FNIP2: variants seen among roughly 807,000 people sequenced by gnomAD.
FNIP2 encodes the protein folliculin-interacting protein 2.
A neutral mutation model predicts 108.7 loss-of-function variants in FNIP2; 32 were observed. That is an observed-to-expected ratio of 0.29 (90% CI 0.22 to 0.40). FNIP2 has a LOEUF of 0.40. Ranked by LOEUF, FNIP2 falls within the 10% of genes least tolerant of loss-of-function variation. The probability of loss-of-function intolerance (pLI) is 1.00; values close to 1 mark genes in which losing one functional copy is unlikely to be tolerated. For synonymous variants in FNIP2, 480 were observed against 496.7 expected (o/e 0.97, Z 0.45); for missense variants, 1,202 against 1,381.6 (o/e 0.87, Z 2.06).
chr4:158,844,906 C>G (rs966117207), intron 7 of FNIP2, among the ~76,000 whole-genome samples: 2 of 152,196 alleles, frequency 1.3e-5, no homozygotes, highest in Non-Finnish European at 2.9e-5. Context: ...TAGATTGATT[C>G]TCTTTTCTTG....
chr4:158,792,952 TAAAGG>T (rs1259848332), intron 1 of FNIP2, among the ~76,000 whole-genome samples: 1 of 152,050 alleles, frequency 6.6e-6, no homozygotes, highest in African/African-American at 2.4e-5. Context: ...ATGGGTTTGA[TAAAGG>T]AAGTTATCAA....
chr4:158,819,826 A>G (rs2126540188), intron 1 of FNIP2, among the ~76,000 whole-genome samples: 1 of 152,266 alleles, frequency 6.6e-6, no homozygotes, highest in Non-Finnish European at 1.5e-5. Flanking sequence ...GGGTCTCCCC[A>G]CTCTTCTTGA....
intron 1 of FNIP2, among the ~76,000 whole-genome samples, chr4:158,824,491 C>T (rs1211803201): frequency 6.6e-6 from 1 of 152,148 alleles, no homozygotes; most frequent in Non-Finnish European, 1.5e-5. Flanking sequence ...GAAACCGGCT[C>T]AACTCTGTCC....
At chr4:158,773,778 T>G (rs1775772230) in intron 1 of FNIP2, among the ~76,000 whole-genome samples, 1 of 152,190 alleles carries the variant, frequency 6.6e-6, no homozygotes, top group Non-Finnish European at 1.5e-5. Flanking sequence ...CCTTAAGTTT[T>G]CAGAGGGGTC....
At chr4:158,835,374 A>G (rs1437621566) in intron 6 of FNIP2, 31 bp from the exon 7 acceptor site, 1 of 1,604,600 alleles carries the variant, frequency 6.2e-7, no homozygotes, top group African/African-American at 1.3e-5. Context: ...GAAGAGCCCA[A>G]TAACATGGTT....
chr4:158,792,955 AG>A (rs1325298115), intron 1 of FNIP2, among the ~76,000 whole-genome samples: 3 of 152,326 alleles, frequency 2.0e-5, no homozygotes, highest in Admixed American at 1.3e-4. Flanking sequence ...GGTTTGATAA[AG>A]GAAGTTATCA....
intron 1 of FNIP2, among the ~76,000 whole-genome samples, chr4:158,791,128 A>T (rs1400805251): frequency 6.6e-6 from 1 of 152,058 alleles, no homozygotes; most frequent in East Asian, 1.9e-4. Context: ...GAGAAGGTGG[A>T]ATTTTCTGAT....
At chr4:158,785,757 T>C (rs1442575213) in intron 1 of FNIP2, among the ~76,000 whole-genome samples, 2 of 152,012 alleles carry the variant, frequency 1.3e-5, no homozygotes, top group South Asian at 2.1e-4. Flanking sequence ...ATTGTTTAAT[T>C]TTCTATACCA....
In FNIP2 at chr4:158,868,485, G is replaced by A; in HGVS notation, c.1849G>A (p.Glu617Lys). The change falls in exon 13 of 17, where the codon GAA (glutamate) becomes AAA (lysine). Residue 617 changes from glutamate to lysine, a missense_variant. Transcript: ENST00000264433. The surrounding 1 kb of genome is among the most constrained non-coding windows in gnomAD (Gnocchi z 4.6). ...SRDLGLKPDK[E>K]ANRRPEQGSE... ...AGACCTGGGTCTTAAACCTGACAAAGAAGCTAACAGGAGGCCAGAGCAGGG... is the reference window on the plus strand; with the variant it reads ...AGACCTGGGTCTTAAACCTGACAAAAAAGCTAACAGGAGGCCAGAGCAGGG... 6.2e-7 allele frequency: 1 copy of A among 1,614,054 alleles called. No homozygotes were observed. Among genetic ancestry groups the A allele is most frequent in the Non-Finnish European group, 8.5e-7 (1 of 1,179,892 alleles).
intron 1 of FNIP2, among the ~76,000 whole-genome samples, chr4:158,781,034 C>CAAAAAAA (rs70962632): frequency 7.7e-6 from 1 of 130,518 alleles, no homozygotes. Context: ...GAGTCCTTCT[C>CAAAAAAA]AAAAAAAAAA....
chr4:158,794,988 T>G (rs1429708125), intron 1 of FNIP2, among the ~76,000 whole-genome samples: 6 of 152,220 alleles, frequency 3.9e-5, no homozygotes, highest in Non-Finnish European at 8.8e-5. Context: ...AGTTTATTCA[T>G]TTTCCTTGGA....
At chr4:158,858,934 C>A (rs770820003) in intron 8 of FNIP2, 123 bp from the exon 9 acceptor site, 74 of 750,634 alleles carry the variant, frequency 9.9e-5, no homozygotes, top group Non-Finnish European at 1.5e-4. Flanking sequence ...AAAGAATGAA[C>A]TAAAGGCAGA....
intron 6 of FNIP2, 85 bp from the exon 7 acceptor site, chr4:158,835,320 T>C (rs1778738634): frequency 1.7e-6 from 2 of 1,169,702 alleles, no homozygotes; most frequent in African/African-American, 1.5e-5. Context: ...TAGCCTACTT[T>C]GAAATTTAAA....
In FNIP2 at chr4:158,859,098, G is replaced by C; in HGVS notation, c.899G>C (p.Ser300Thr). The change falls in exon 9 of 17, where the codon AGC (serine) becomes ACC (threonine). Residue 300 changes from serine (S) to threonine (T), a missense_variant. Ser to Thr is a moderately conservative substitution (Grantham distance 58). This residue lies in a region of FNIP2 where 878 missense variants were observed against 990.3 expected (regional missense o/e 0.89). Transcript: ENST00000264433. ...TTCAGCTTGGCTGAAGAAACCTGTA[G>C]CTCTAATCCAGCTATGGTTAGGAGG... is the stretch of plus-strand genomic sequence containing the variant. ...ETFSLAEETC[S>T]SNPAMVRRKK... 1 of 1,613,988 alleles carries C rather than the reference G, an allele frequency of 6.2e-7. No individual in the cohort carries two copies. The highest frequency in any genetic ancestry group is 8.5e-7 in the Non-Finnish European group (1 of 1,179,868).
intron 1 of FNIP2, among the ~76,000 whole-genome samples, chr4:158,799,996 G>A (rs1776708976): frequency 6.6e-6 from 1 of 152,060 alleles, no homozygotes; most frequent in African/African-American, 2.4e-5. Context: ...TTTCTTGTGG[G>A]TGGAGAGTTA....
intron 8 of FNIP2, among the ~76,000 whole-genome samples, chr4:158,852,926 G>T (rs781570965): frequency 2.0e-5 from 3 of 152,086 alleles, no homozygotes; most frequent in Non-Finnish European, 4.4e-5. Context: ...TATGGTCAAG[G>T]CTGGCTACCT....
At position 158,907,471 on chromosome 4, in the gene FNIP2, G is replaced by A. The variant is rs961107867; in HGVS notation, c.*2927G>A. Reference sequence around the variant, plus strand: ...CCCGCTTGCTAAATGATACTAAACCGTTGTTTGGGCTCTTATAATTAGGTC... The same window carrying A: ...CCCGCTTGCTAAATGATACTAAACCATTGTTTGGGCTCTTATAATTAGGTC... On this transcript the variant is annotated 3_prime_UTR_variant, in exon 17 of 17. Coordinates refer to ENST00000264433, the MANE Select transcript of FNIP2 (RefSeq NM_020840.3). 5.9e-5 allele frequency: 9 copies of A among 152,232 alleles called. No individual in the cohort carries two copies. The highest frequency in any genetic ancestry group is 1.4e-4 in the African/African-American group (6 of 41,550). 9.4% of individuals were successfully genotyped at this position (152,232 alleles called of 1,614,324 possible).
At chr4:158,842,308 G>A (rs1396031317) in intron 7 of FNIP2, among the ~76,000 whole-genome samples, 1 of 152,142 alleles carries the variant, frequency 6.6e-6, no homozygotes, top group East Asian at 1.9e-4. Context: ...TGTGATACTG[G>A]TATTGAGAAA....
intron 14 of FNIP2, 116 bp from the exon 15 acceptor site, chr4:158,891,330 C>T: frequency 1.1e-6 from 1 of 913,008 alleles, no homozygotes. Flanking sequence ...TCTGCTCTAT[C>T]CATAACTGCC....
Sources: allele counts gnomAD v4.1 joint callset (sites outside exome capture counted in the v4.1 genomes callset), GRCh38; gene constraint gnomAD v4.1.1; regional missense constraint gnomAD v4.1.1; non-coding constraint Gnocchi (gnomAD v3.1); transcripts MANE v1.5; gene names NCBI Gene and HGNC (gene_info 2026-07-23, HGNC 2026-07-21).